Variants in FER observed in about 807,000 individuals in gnomAD.
FER encodes the protein tyrosine-protein kinase Fer.
FER carries 63 observed loss-of-function variants against 111.0 expected under a neutral mutation model. The ratio of observed to expected loss-of-function variants is 0.57; its 90% CI spans 0.46 to 0.70. The LOEUF (loss-of-function observed/expected upper bound fraction) is 0.70. FER is among the 30% of genes least tolerant of loss of function. The pLI, the probability that FER is intolerant of heterozygous loss-of-function variation, is 0.00. For synonymous variants in FER, 327 were observed against 313.9 expected (o/e 1.04, Z -0.44); for missense variants, 914 against 954.0 (o/e 0.96, Z 0.55).
At chr5:108,935,570 A>G (rs1442729015) in intron 10 of FER, among the ~76,000 whole-genome samples, 3 of 152,082 alleles carry the variant, frequency 2.0e-5, no homozygotes, top group Non-Finnish European at 2.9e-5. Flanking sequence ...TCACCATCCA[A>G]CCCACCTACA....
intron 13 of FER, among the ~76,000 whole-genome samples, chr5:108,991,926 G>A (rs1207074260): frequency 1.3e-5 from 2 of 151,586 alleles, no homozygotes; most frequent in Non-Finnish European, 1.5e-5. Context: ...TCTCGCAGAG[G>A]GGGATTTGGC....
chr5:108,947,742 A>G (rs1757172706), intron 11 of FER, among the ~76,000 whole-genome samples: 1 of 151,878 alleles, frequency 6.6e-6, no homozygotes, highest in Non-Finnish European at 1.5e-5. Flanking sequence ...TCAAAAAAAA[A>G]TCGTCTAATC....
intron 13 of FER, among the ~76,000 whole-genome samples, chr5:109,008,804 C>T (rs942295254): frequency 6.6e-6 from 1 of 151,936 alleles, no homozygotes; most frequent in African/African-American, 2.4e-5. Flanking sequence ...AACCCTGTCT[C>T]TACTAAAAAT....
chr5:109,056,680 T>C (rs1330881835), intron 16 of FER, among the ~76,000 whole-genome samples: 1 of 152,204 alleles, frequency 6.6e-6, no homozygotes, highest in Non-Finnish European at 1.5e-5. Context: ...AAAATTGTTC[T>C]GTGTATGGGA....
In FER at chr5:109,037,405, C is replaced by T. The variant is rs3822684; in HGVS notation, c.1657-17C>T. Reference sequence around the variant, plus strand: ...CCCTTGCTTGTACTAAACAACTGTTCTTATTCTTTGCTGTAGGACAAGAAA... The same window carrying T: ...CCCTTGCTTGTACTAAACAACTGTTTTTATTCTTTGCTGTAGGACAAGAAA... On this transcript the variant is annotated splice_polypyrimidine_tract_variant and intron_variant, in intron 13 of 19. Coordinates refer to ENST00000281092, the MANE Select transcript of FER (RefSeq NM_005246.4). 1.2e-6 allele frequency: 2 copies of T among 1,606,862 alleles called. No homozygotes were observed. Among genetic ancestry groups the T allele is most frequent in the East Asian group, 2.2e-5 (1 of 44,730 alleles).
At chr5:109,142,218 A>T (rs894348591) in intron 17 of FER, among the ~76,000 whole-genome samples, 2 of 152,202 alleles carry the variant, frequency 1.3e-5, no homozygotes, top group African/African-American at 4.8e-5. Context: ...GTTTTCTGAG[A>T]ATTGCTTTTA....
chr5:109,035,000 A>G (rs1332374531), intron 13 of FER, among the ~76,000 whole-genome samples: 1 of 150,580 alleles, frequency 6.6e-6, no homozygotes, highest in Non-Finnish European at 1.5e-5. Context: ...CAGGTTTTAA[A>G]TATATAGTTC....
intron 17 of FER, among the ~76,000 whole-genome samples, chr5:109,155,239 T>C (rs72798561): frequency 0.032 from 4,878 of 151,976 alleles, 111 homozygotes; most frequent in Middle Eastern, 0.092. Flanking sequence ...CCTAGGATCC[T>C]ATCTGGCAAG....
At chr5:108,867,645 T>G in intron 5 of FER, 122 bp from the exon 6 acceptor site, 1 of 942,302 alleles carries the variant, frequency 1.1e-6, no homozygotes, top group Non-Finnish European at 1.6e-6. Flanking sequence ...TTCAATAAAA[T>G]TTTTTTGTTT....
intron 13 of FER, among the ~76,000 whole-genome samples, chr5:108,991,601 C>T (rs1763185668): frequency 6.6e-6 from 1 of 152,180 alleles, no homozygotes; most frequent in South Asian, 2.1e-4. Context: ...AATTTATAAT[C>T]ACAAGCAGAT....
At chr5:108,866,770 G>T (rs1764111761) in intron 5 of FER, among the ~76,000 whole-genome samples, 1 of 152,028 alleles carries the variant, frequency 6.6e-6, no homozygotes, top group African/African-American at 2.4e-5. Context: ...ATCTTGAACA[G>T]TTTATTTTCT....
intron 9 of FER, among the ~76,000 whole-genome samples, chr5:108,886,417 C>A (rs976750740): frequency 6.7e-6 from 1 of 148,158 alleles, no homozygotes; most frequent in Non-Finnish European, 1.5e-5. Context: ...AACATATAAA[C>A]ATATATATTA....
intron 9 of FER, among the ~76,000 whole-genome samples, chr5:108,888,904 T>A (rs954813779): frequency 3.3e-5 from 5 of 151,898 alleles, no homozygotes; most frequent in African/African-American, 1.2e-4. Context: ...AGTCTCATTA[T>A]CCTTAAAAAC....
chr5:108,948,104 AT>A (rs1186993011), intron 11 of FER, among the ~76,000 whole-genome samples: 1 of 152,156 alleles, frequency 6.6e-6, no homozygotes. Flanking sequence ...TTAAAGCATA[AT>A]TTTAGATAAA....
intron 17 of FER, among the ~76,000 whole-genome samples, chr5:109,130,701 A>G (rs1752263361): frequency 6.6e-6 from 1 of 152,022 alleles, no homozygotes; most frequent in Non-Finnish European, 1.5e-5. Flanking sequence ...AATTTTCAAA[A>G]TCTGGTGTGT....
intron 2 of FER, among the ~76,000 whole-genome samples, chr5:108,789,066 T>C (rs927377588): frequency 6.6e-6 from 1 of 152,268 alleles, no homozygotes; most frequent in Non-Finnish European, 1.5e-5. Flanking sequence ...TTTGTCCTTC[T>C]GTTTATTGAA....
rs1759634276 is a variant in FER, at chr5:109,194,939, G to T, written c.*7364G>T. ...GGGAGGGGTTCAGACCTCTAACCTG[G>T]ATTCAGAGCCTTAGAGGCCGAGAGG... On this transcript the variant is annotated 3_prime_UTR_variant, in exon 20 of 20. Transcript: ENST00000281092. 1 of 152,186 alleles carries T rather than the reference G, an allele frequency of 6.6e-6. No homozygotes were observed. The highest frequency in any genetic ancestry group is 1.5e-5 in the Non-Finnish European group (1 of 68,060). 9.4% of individuals were successfully genotyped at this position (152,186 alleles called of 1,614,324 possible). A position where few individuals can be genotyped will look rare whatever the true frequency, so the allele number is the denominator to read the frequency against.
intron 10 of FER, among the ~76,000 whole-genome samples, chr5:108,914,033 C>A (rs1751913865): frequency 1.3e-5 from 2 of 152,310 alleles, no homozygotes; most frequent in East Asian, 1.9e-4. Flanking sequence ...CAAGACACTT[C>A]TAGAGTATAG....
intron 5 of FER, among the ~76,000 whole-genome samples, chr5:108,859,772 G>T (rs1408505337): frequency 4.6e-5 from 7 of 151,832 alleles, no homozygotes; most frequent in African/African-American, 1.7e-4. Context: ...CTCTTTAAAG[G>T]TGTTTTATAT....
Sources: gnomAD v4.1 joint callset for allele counts (sites outside exome capture counted in the v4.1 genomes callset) on GRCh38, gnomAD v4.1.1 for gene constraint, MANE v1.5 for transcripts, NCBI Gene and HGNC (gene_info 2026-07-23, HGNC 2026-07-21) for gene names.